EDARADD: variants seen among roughly 807,000 people sequenced by gnomAD.
The protein encoded by EDARADD is ectodysplasin-A receptor-associated adapter protein.
In EDARADD, 20 loss-of-function variants were observed where a neutral mutation model predicts 25.6. The observed-to-expected ratio is 0.78, with a 90% confidence interval of 0.55 to 1.14. EDARADD has a LOEUF of 1.14. Ranked by LOEUF, EDARADD falls within the 50% of genes most tolerant of loss-of-function variation. The pLI is 0.00. For missense variants in EDARADD, 225 were observed against 270.1 expected, an observed-to-expected ratio of 0.83 and a Z score of 1.17; for synonymous variants, 86 against 94.4, an observed-to-expected ratio of 0.91 and a Z score of 0.52.
intron 4 of EDARADD, among the ~76,000 whole-genome samples, chr1:236,450,136 T>G (rs1482369591): frequency 6.7e-6 from 1 of 149,812 alleles, no homozygotes. Context: ...TATTAAAAGA[T>G]GATGAATGAT....
chr1:236,395,511 G>C lies in EDARADD; in HGVS notation c.61+1006G>C. 1 of 1,530,542 alleles carries C rather than the reference G, an allele frequency of 6.5e-7. No homozygotes were observed. The highest frequency in any genetic ancestry group is 8.7e-7 in the Non-Finnish European group (1 of 1,143,098). The allele number at this position is 1,530,542 out of a possible 1,614,324, so 94.8% of individuals were successfully genotyped here. A position where few individuals can be genotyped will look rare whatever the true frequency, so the allele number is the denominator to read the frequency against. Reference sequence around the variant, plus strand: ...GGAGGGCAGGGGCGCGCAGAGCCACGGTTTGCTCCAGGCGCGTCGGAACCG... The same window carrying C: ...GGAGGGCAGGGGCGCGCAGAGCCACCGTTTGCTCCAGGCGCGTCGGAACCG... On this transcript the variant is annotated intron_variant, in intron 1 of 5. Transcript: ENST00000334232. This position sits in a 1 kb window ranked among gnomAD's most constrained non-coding sequence, Gnocchi z 6.9.
chr1:236,450,467 A>C (rs537106646), intron 4 of EDARADD, among the ~76,000 whole-genome samples: 4 of 151,884 alleles, frequency 2.6e-5, no homozygotes, highest in Non-Finnish European at 4.4e-5. Flanking sequence ...AGTTAATTTG[A>C]TGTGATCAAA....
In EDARADD at chr1:236,467,447, C is replaced by CACACACACACAT. The variant is rs1553270575; in HGVS notation, c.220-775_220-774insCATACACACACA. Among the ~76,000 whole-genome samples the CACACACACACAT allele has an allele frequency of 1.1e-3, 159 of 149,200 alleles. 1 individual carries two copies. Among genetic ancestry groups the CACACACACACAT allele is most frequent in the African/African-American group, 3.7e-3 (150 of 40,920 alleles). On this transcript the variant is annotated intron_variant, in intron 4 of 5. Transcript: ENST00000334232. ...ACGCGCACACACACACACACACACA[C>CACACACACACAT]ACACACACATACACACACCTGTCCA...
At chr1:236,447,152 TCCTCCCTC>T (rs145293847) in intron 4 of EDARADD, among the ~76,000 whole-genome samples, 12 of 79,702 alleles carry the variant, frequency 1.5e-4, no homozygotes, top group Non-Finnish European at 2.9e-4. Context: ...CTTCCTTCCT[TCCTCCCTC>T]CCTCCCTCCC....
chr1:236,355,952 G>A (rs1191262005), intron 3 of EDARADD, among the ~76,000 whole-genome samples: 1 of 152,048 alleles, frequency 6.6e-6, no homozygotes, highest in Non-Finnish European at 1.5e-5. Context: ...AGGACCTCCT[G>A]AGGGCTGTAT....
chr1:236,482,792 G>A lies in EDARADD; in HGVS notation c.*143G>A, dbSNP rs1039802466. The A allele has an allele frequency of 4.2e-6, 5 of 1,187,416 alleles. No homozygotes were observed. The highest frequency in any genetic ancestry group is 1.5e-5 in the African/African-American group (1 of 66,426). The allele number at this position is 1,187,416 out of a possible 1,614,324, so 73.6% of individuals were successfully genotyped here. A position where few individuals can be genotyped will look rare whatever the true frequency, so the allele number is the denominator to read the frequency against. Reference sequence around the variant, plus strand: ...GGTTTTCCCCAAAGCTGGCAGTTTTGTGGAGGGGTAGCTTGTTTCGGTGGT... The same window carrying A: ...GGTTTTCCCCAAAGCTGGCAGTTTTATGGAGGGGTAGCTTGTTTCGGTGGT... On this transcript the variant is annotated 3_prime_UTR_variant, in exon 6 of 6. Coordinates refer to ENST00000334232, the MANE Select transcript of EDARADD (RefSeq NM_145861.4).
In EDARADD at chr1:236,464,169, G is replaced by T. The variant is rs1659117308; in HGVS notation, c.220-4062G>T. Reference sequence around the variant, plus strand: ...AGCCGGCCACCACCCGGCTAGAACGGCTTTCAAAATCGCTGCTCGTCTACT... The same window carrying T: ...AGCCGGCCACCACCCGGCTAGAACGTCTTTCAAAATCGCTGCTCGTCTACT... On this transcript the variant is annotated intron_variant, in intron 4 of 5. Transcript: ENST00000334232. Among the ~76,000 whole-genome samples the T allele has an allele frequency of 2.6e-5, 4 of 152,088 alleles. 2 individuals carry two copies. In the South Asian group the frequency reaches 8.3e-4, roughly 32 times the overall value.
chr1:236,396,701 T>G (rs1667521261), intron 1 of EDARADD, among the ~76,000 whole-genome samples: 1 of 152,094 alleles, frequency 6.6e-6, no homozygotes, highest in African/African-American at 2.4e-5. Context: ...TCTACCTTTT[T>G]TTTTTTTAAG....
At chr1:236,375,437 C>T (rs1667214476) in intron 3 of EDARADD, among the ~76,000 whole-genome samples, 1 of 151,956 alleles carries the variant, frequency 6.6e-6, no homozygotes, top group Non-Finnish European at 1.5e-5. Flanking sequence ...GGGTGAATCA[C>T]CTGAGGTTAG....
In EDARADD at chr1:236,394,366, C is replaced by T. The variant is rs528017864; in HGVS notation, c.-79C>T. 6.7e-7 allele frequency: 1 copy of T among 1,491,800 alleles called. No homozygotes were observed. The highest frequency in any genetic ancestry group is 9.3e-7 in the Non-Finnish European group (1 of 1,069,530). 92.4% of individuals were successfully genotyped at this position (1,491,800 alleles called of 1,614,324 possible). A position where few individuals can be genotyped will look rare whatever the true frequency, so the allele number is the denominator to read the frequency against. On this transcript the variant is annotated 5_prime_UTR_variant, in exon 1 of 6. Coordinates refer to ENST00000334232, the MANE Select transcript of EDARADD (RefSeq NM_145861.4). ...AGAAGGTTTGACTCTGGCCAGACAA[C>T]CAGCGAGCATCTTCTCGCAATCTGT...
chr1:236,431,237 T>A (rs613126), intron 4 of EDARADD, among the ~76,000 whole-genome samples: 68,377 of 152,098 alleles, frequency 0.45, 17,670 homozygotes, highest in Non-Finnish European at 0.59. Flanking sequence ...ACTAAGGATT[T>A]ATTTGAGCTT....
At chr1:236,479,236 C>T (rs1407858907) in intron 5 of EDARADD, among the ~76,000 whole-genome samples, 1 of 152,064 alleles carries the variant, frequency 6.6e-6, no homozygotes, top group African/African-American at 2.4e-5. Context: ...TGGCTCATAC[C>T]TGTAATCCCA....
chr1:236,438,530 G>A (rs1388022287), intron 4 of EDARADD, among the ~76,000 whole-genome samples: 2 of 152,108 alleles, frequency 1.3e-5, no homozygotes, highest in South Asian at 2.1e-4. Flanking sequence ...GGAAAAGCAA[G>A]TAGAGAGTCT....
chr1:236,354,033 C>T (rs199645497), intron 3 of EDARADD, among the ~76,000 whole-genome samples: 12 of 152,050 alleles, frequency 7.9e-5, no homozygotes, highest in Non-Finnish European at 1.5e-5. Flanking sequence ...CTTCGGGTTG[C>T]GAGGCTTAGG....
intron 4 of EDARADD, among the ~76,000 whole-genome samples, chr1:236,454,197 T>TA: frequency 6.6e-6 from 1 of 152,216 alleles, no homozygotes; most frequent in South Asian, 2.1e-4. Context: ...AGGCGTATGC[T>TA]ACCACACCTG....
rs1293001912 is a variant in EDARADD, at chr1:236,483,985, ACTGT to A, written c.*1340_*1343del. 9.4e-6 allele frequency: 13 copies of A among 1,383,604 alleles called. No individual in the cohort carries two copies. Among genetic ancestry groups the A allele is most frequent in the East Asian group, 2.3e-5 (1 of 43,680 alleles). 85.7% of individuals were successfully genotyped at this position (1,383,604 alleles called of 1,614,324 possible). A position where few individuals can be genotyped will look rare whatever the true frequency, so the allele number is the denominator to read the frequency against. ...GACCCCACCAGGTACATCTCACCTG[ACTGT>A]CTGGCTGACCTGTACAAGTCCTTCA... On this transcript the variant is annotated 3_prime_UTR_variant, in exon 6 of 6. Transcript: ENST00000334232.
intron 4 of EDARADD, among the ~76,000 whole-genome samples, chr1:236,432,964 C>G (rs1017830991): frequency 6.7e-6 from 1 of 149,796 alleles, no homozygotes; most frequent in African/African-American, 2.5e-5. Context: ...AAAGAAACTA[C>G]AATACCATTA....
chr1:236,405,905 C>T (rs1667722364), intron 1 of EDARADD, among the ~76,000 whole-genome samples: 1 of 45,826 alleles, frequency 2.2e-5, no homozygotes, highest in African/African-American at 7.2e-5. Flanking sequence ...TTCTTTCTTT[C>T]TTTCTTTCTT....
chr1:236,403,766 C>T (rs1667657920), intron 1 of EDARADD, among the ~76,000 whole-genome samples: 1 of 152,178 alleles, frequency 6.6e-6, no homozygotes, highest in African/African-American at 2.4e-5. Context: ...GAGGGTGCAG[C>T]CCGCCCTGCC....
Sources: gnomAD v4.1 joint callset for allele counts (sites outside exome capture counted in the v4.1 genomes callset) on GRCh38, gnomAD v4.1.1 for gene constraint, Gnocchi (gnomAD v3.1) non-coding constraint, MANE v1.5 for transcripts, NCBI Gene and HGNC (gene_info 2026-07-23, HGNC 2026-07-21) for gene names.